Variants in WDPCP observed in about 807,000 individuals in gnomAD.
The protein encoded by WDPCP is WD repeat-containing and planar cell polarity effector protein fritz homolog.
WDPCP carries 71 observed loss-of-function variants against 93.1 expected under a neutral mutation model. That is an observed-to-expected ratio of 0.76 (90% confidence interval 0.63 to 0.93). WDPCP has a LOEUF of 0.93. Ranked by LOEUF, WDPCP falls within the 40% of genes least tolerant of loss-of-function variation. WDPCP has a pLI of 0.00. For missense variants in WDPCP, 844 were observed against 887.4 expected (o/e 0.95, Z 0.62); for synonymous variants, 315 against 315.0 (o/e 1.00, Z 0.00).
At chr2:63,632,619 T>C (rs1709876030) in intron 3 of WDPCP, among the ~76,000 whole-genome samples, 1 of 151,924 alleles carries the variant, frequency 6.6e-6, no homozygotes, top group South Asian at 2.1e-4. Flanking sequence ...CTTGAACAAG[T>C]GGAGGGGAAA....
Position 63,663,432 on chromosome 2 carries a change from A to G in WDPCP, n.309-12594T>C, listed in dbSNP as rs564366917. Among the ~76,000 whole-genome samples the G allele has an allele frequency of 5.3e-5, 8 of 152,358 alleles. No homozygotes were observed. The East Asian group carries it at 1.5e-3, about 29-fold the overall frequency. Reference sequence around the variant, plus strand: ...TAGATACAGATAACTGGAAGGAAACATCAGAGAGGAAAGCAATCATGAATG... The same window carrying G: ...TAGATACAGATAACTGGAAGGAAACGTCAGAGAGGAAAGCAATCATGAATG... On this transcript the variant is annotated intron_variant and non_coding_transcript_variant, in intron 2 of 4. Transcript: ENST00000467687.
intron 12 of WDPCP, among the ~76,000 whole-genome samples, chr2:63,367,118 G>C (rs1690976261): frequency 6.6e-6 from 1 of 151,078 alleles, no homozygotes; most frequent in Non-Finnish European, 1.5e-5. Flanking sequence ...AATTAAAGCA[G>C]GTGGTAACAG....
chr2:63,642,704 T>C (rs1709995470), intron 3 of WDPCP: 1 of 152,168 alleles, frequency 6.6e-6, no homozygotes, highest in Admixed American at 6.5e-5. Flanking sequence ...TTTGTGTGCA[T>C]ATGTCTGTGT....
rs200693745 is a variant in WDPCP, at chr2:63,228,572, T to C, written c.1915+30735A>G. The C allele has an allele frequency of 7.9e-5, 12 of 152,044 alleles. No homozygotes were observed. The East Asian group carries it at 2.3e-3, about 29-fold the overall frequency. 9.4% of individuals were successfully genotyped at this position (152,044 alleles called of 1,614,324 possible). Reference sequence around the variant, plus strand: ...GCATTAGGTATATCTCCTAATGCTATCCCTCCCCCCTACCCCCACCACACA... The same window carrying C: ...GCATTAGGTATATCTCCTAATGCTACCCCTCCCCCCTACCCCCACCACACA... On this transcript the variant is annotated intron_variant, in intron 14 of 17. Transcript: ENST00000272321.
intron 13 of WDPCP, among the ~76,000 whole-genome samples, chr2:63,265,111 A>G (rs1385695781): frequency 6.6e-6 from 1 of 152,222 alleles, no homozygotes; most frequent in African/African-American, 2.4e-5. Flanking sequence ...TATCTCAAAT[A>G]AACAATCTAA....
At chr2:63,528,420 C>T (rs191942912) in intron 1 of WDPCP, among the ~76,000 whole-genome samples, 2,935 of 152,288 alleles carry the variant, frequency 0.019, 86 homozygotes, top group African/African-American at 0.064. Flanking sequence ...GATCCAGTTT[C>T]AGCTTTCTAC....
At chr2:63,402,066 C>A (rs568516510) in intron 10 of WDPCP, among the ~76,000 whole-genome samples, 1 of 152,174 alleles carries the variant, frequency 6.6e-6, no homozygotes, top group South Asian at 2.1e-4. Context: ...TGGACCCAAC[C>A]AAATGCCCAT....
At chr2:63,796,410 T>C (rs183942094) in intron 2 of WDPCP, among the ~76,000 whole-genome samples, 3 of 152,314 alleles carry the variant, frequency 2.0e-5, no homozygotes, top group Admixed American at 2.0e-4. Context: ...AAAAATCAGG[T>C]GAGCAATCAC....
intron 12 of WDPCP, among the ~76,000 whole-genome samples, chr2:63,366,069 T>C (rs1690879671): frequency 6.6e-6 from 1 of 152,128 alleles, no homozygotes; most frequent in African/African-American, 2.4e-5. Context: ...GAAAGAACCT[T>C]AAAAGTACGA....
At chr2:63,299,651 G>A (rs564715138) in intron 13 of WDPCP, among the ~76,000 whole-genome samples, 7 of 152,222 alleles carry the variant, frequency 4.6e-5, no homozygotes, top group East Asian at 1.9e-4. Flanking sequence ...GGGTGCATAC[G>A]AGCCTCGAGA....
intron 1 of WDPCP, among the ~76,000 whole-genome samples, chr2:63,548,720 C>G (rs1383326109): frequency 6.6e-6 from 1 of 151,562 alleles, no homozygotes; most frequent in African/African-American, 2.4e-5. Flanking sequence ...ATCTCGAACT[C>G]CTGGCCTCAA....
At chr2:63,682,595 G>A (rs1668726924) in intron 2 of WDPCP, among the ~76,000 whole-genome samples, 1 of 152,092 alleles carries the variant, frequency 6.6e-6, no homozygotes, top group South Asian at 2.1e-4. Context: ...AGAGGAGGCA[G>A]AGAAAGAGAT....
At chr2:63,617,340 C>A (rs868675184) in intron 3 of WDPCP, among the ~76,000 whole-genome samples, 9 of 152,122 alleles carry the variant, frequency 5.9e-5, no homozygotes, top group African/African-American at 9.7e-5. Context: ...GAAATTATAA[C>A]CTCATATCTT....
intron 2 of WDPCP, among the ~76,000 whole-genome samples, chr2:63,769,477 G>C (rs1670194792): frequency 6.6e-6 from 1 of 151,888 alleles, no homozygotes. Context: ...TTTTTTCAAG[G>C]GCATATGGAA....
chr2:63,595,491 G>A (rs1709292879), intron 3 of WDPCP: 2 of 1,611,900 alleles, frequency 1.2e-6, no homozygotes, highest in East Asian at 4.5e-5. Flanking sequence ...TAATGGAACT[G>A]CAAGACTGTG....
intron 13 of WDPCP, among the ~76,000 whole-genome samples, chr2:63,262,514 AAC>A (rs1681720505): frequency 6.7e-6 from 1 of 149,132 alleles, no homozygotes; most frequent in Admixed American, 6.8e-5. Flanking sequence ...AAAACTATAG[AAC>A]ACTGATATAC....
chr2:63,608,217 T>C (rs1709574735), intron 3 of WDPCP, among the ~76,000 whole-genome samples: 1 of 152,166 alleles, frequency 6.6e-6, no homozygotes, highest in Admixed American at 6.5e-5. Context: ...AGGTTTTCAC[T>C]GGAGGTATTA....
intron 12 of WDPCP, among the ~76,000 whole-genome samples, chr2:63,316,104 C>T (rs1686617175): frequency 6.6e-6 from 1 of 151,770 alleles, no homozygotes; most frequent in Admixed American, 6.6e-5. Context: ...AATAAAAGTG[C>T]ATAAATTATG....
At chr2:63,160,667 T>C (rs1270591328) in intron 15 of WDPCP, among the ~76,000 whole-genome samples, 3 of 152,168 alleles carry the variant, frequency 2.0e-5, no homozygotes, top group Middle Eastern at 3.2e-3. Flanking sequence ...AAGGAAACTT[T>C]TATTATGTAT....
Sources: gnomAD v4.1 joint callset for allele counts (sites outside exome capture counted in the v4.1 genomes callset) on GRCh38, gnomAD v4.1.1 for gene constraint, MANE v1.5 for transcripts, NCBI Gene and HGNC (gene_info 2026-07-23, HGNC 2026-07-21) for gene names.